Variants in ZNF207 observed in about 807,000 individuals in gnomAD.
The protein encoded by ZNF207 is zinc finger protein 207.
In ZNF207, 24 loss-of-function variants were observed where a neutral mutation model predicts 60.2. That is an observed-to-expected ratio of 0.40 (90% confidence interval 0.29 to 0.56). The LOEUF (loss-of-function observed/expected upper bound fraction) is 0.56, where lower values mean the gene tolerates loss of function less well. Among genes scored for constraint, ZNF207 ranks in the 20% least tolerant of loss-of-function variants. The pLI, the probability that ZNF207 is intolerant of heterozygous loss-of-function variation, is 0.49. For missense variants in ZNF207, 452 were observed against 636.6 expected, an observed-to-expected ratio of 0.71 and a Z score of 3.12; for synonymous variants, 236 against 194.7, an observed-to-expected ratio of 1.21 and a Z score of -1.77.
At position 32,371,432 on chromosome 17, in the gene ZNF207, G is replaced by A. The variant is rs1174441061; in HGVS notation, c.*1673G>A. ...CATACCTTTAAGCAAAACATTGCAA[G>A]TATTATAAAGCTGAATGCTATTTTA... is the stretch of plus-strand genomic sequence containing the variant. On this transcript the variant is annotated 3_prime_UTR_variant, in exon 12 of 12. Transcript: ENST00000394670. 2.0e-5 allele frequency: 3 copies of A among 152,106 alleles called. No homozygotes were observed. Among genetic ancestry groups the A allele is most frequent in the African/African-American group, 7.2e-5 (3 of 41,402 alleles). The allele number at this position is 152,106 out of a possible 1,614,324, so 9.4% of individuals were successfully genotyped here.
chr17:32,380,152 G>A lies in ZNF207; in HGVS notation c.*10393G>A, dbSNP rs1404919782. Reference sequence around the variant, plus strand: ...ATTTAAAGTGAAGTAAATTTCTAAGGAACTGTGTCCTTTCCTAGCAGGAAT... The same window carrying A: ...ATTTAAAGTGAAGTAAATTTCTAAGAAACTGTGTCCTTTCCTAGCAGGAAT... On this transcript the variant is annotated 3_prime_UTR_variant, in exon 12 of 12. Coordinates refer to ENST00000394670, the MANE Select transcript of ZNF207 (RefSeq NM_001098507.2). 3.3e-5 allele frequency: 5 copies of A among 152,582 alleles called. No homozygotes were observed. The highest frequency in any genetic ancestry group is 1.2e-4 in the African/African-American group (5 of 41,428). 9.5% of individuals were successfully genotyped at this position (152,582 alleles called of 1,614,324 possible).
At chr17:32,369,089 T>C in intron 10 of ZNF207, 1 of 516,322 alleles carries the variant, frequency 1.9e-6, no homozygotes, top group Non-Finnish European at 3.4e-6. Flanking sequence ...TTGTTAGCCA[T>C]GCTTCAAGTT....
intron 2 of ZNF207, among the ~76,000 whole-genome samples, chr17:32,354,338 T>C (rs933127896): frequency 6.6e-6 from 1 of 152,048 alleles, no homozygotes. Flanking sequence ...TCTGTCAGTT[T>C]TTTTTTTGTT....
rs1365061326 is a variant in ZNF207, at chr17:32,353,355, T to C, written c.168+1443T>C. 5.9e-5 allele frequency among the ~76,000 whole-genome samples: 9 copies of C among 152,108 alleles called. No individual in the cohort carries two copies. The South Asian group carries it at 1.9e-3, about 31-fold the overall frequency. On this transcript the variant is annotated intron_variant, in intron 2 of 11. Coordinates refer to ENST00000394670, the MANE Select transcript of ZNF207 (RefSeq NM_001098507.2). ...TGCTAAATTAGACCTTACAGAAATA[T>C]GAGATGAGCAAATACCAAATCATTG...
Position 32,372,331 on chromosome 17 carries a change from A to G in ZNF207, c.*2572A>G, listed in dbSNP as rs1010191901. 2 of 152,182 alleles carry G rather than the reference A, an allele frequency of 1.3e-5. No homozygotes were observed. The highest frequency in any genetic ancestry group is 1.5e-5 in the Non-Finnish European group (1 of 68,028). The allele number at this position is 152,182 out of a possible 1,614,324, so 9.4% of individuals were successfully genotyped here. On this transcript the variant is annotated 3_prime_UTR_variant, in exon 12 of 12. Transcript: ENST00000394670. The stretch of plus-strand genomic sequence containing the variant: ...AAAAAATGCTGTGATTAAATTTAGA[A>G]TAATTAAGTAAGGGGTGCTCTCCCA...
chr17:32,366,836 ATTTTTCC>A, intron 9 of ZNF207, 79 bp downstream of exon 9: 1 of 1,283,450 alleles, frequency 7.8e-7, no homozygotes, highest in African/African-American at 1.5e-5. Flanking sequence ...AAAAATGAAT[ATTTTTCC>A]AAAAATATAC....
intron 2 of ZNF207, among the ~76,000 whole-genome samples, chr17:32,358,160 A>C (rs929017490): frequency 6.6e-6 from 1 of 152,362 alleles, no homozygotes; most frequent in East Asian, 1.9e-4. Context: ...GGATAGGACT[A>C]CTAGTTACTG....
intron 7 of ZNF207, among the ~76,000 whole-genome samples, chr17:32,363,978 A>G (rs1299064513): frequency 1.3e-5 from 2 of 151,716 alleles, no homozygotes; most frequent in African/African-American, 2.4e-5. Context: ...TCATTTGGTT[A>G]TAAGACAGCT....
intron 5 of ZNF207, 77 bp downstream of exon 5, chr17:32,361,044 A>G (rs1904853695): frequency 2.7e-6 from 4 of 1,473,192 alleles, no homozygotes; most frequent in Non-Finnish European, 3.7e-6. Flanking sequence ...TATATGAATG[A>G]AATGTTACTT....
chr17:32,375,603 C>G lies in ZNF207; in HGVS notation c.*5844C>G, dbSNP rs1905649974. The stretch of plus-strand genomic sequence containing the variant: ...TGTAACATCCACTAGTAAAACTTGG[C>G]AAATGAAAGAAAATTGTGAAGTCAC... On this transcript the variant is annotated 3_prime_UTR_variant, in exon 12 of 12. Coordinates refer to ENST00000394670, the MANE Select transcript of ZNF207 (RefSeq NM_001098507.2). 1 of 151,814 alleles carries G rather than the reference C, an allele frequency of 6.6e-6. No homozygotes were observed. Among genetic ancestry groups the G allele is most frequent in the Admixed American group, 6.6e-5 (1 of 15,256 alleles). The allele number at this position is 151,814 out of a possible 1,614,324, so 9.4% of individuals were successfully genotyped here. A position where few individuals can be genotyped will look rare whatever the true frequency, so the allele number is the denominator to read the frequency against.
intron 8 of ZNF207, chr17:32,365,731 A>T (rs1055678420): frequency 2.7e-5 from 5 of 183,908 alleles, no homozygotes; most frequent in Non-Finnish European, 4.3e-5. Context: ...AACCCTATTT[A>T]TTCTTAGTTT....
intron 10 of ZNF207, chr17:32,368,226 C>A: frequency 1.6e-6 from 1 of 628,592 alleles, no homozygotes; most frequent in Non-Finnish European, 2.6e-6. Flanking sequence ...GTTTCTCTCC[C>A]CTTCCTCCAG....
rs2150806385 is a variant in ZNF207, at chr17:32,373,751, A to G, written c.*3992A>G. 4.1e-6 allele frequency: 1 copy of G among 244,624 alleles called. No individual in the cohort carries two copies. The highest frequency in any genetic ancestry group is 2.2e-5 in the African/African-American group (1 of 44,984). The allele number at this position is 244,624 out of a possible 1,614,324, so 15.2% of individuals were successfully genotyped here. Reference sequence around the variant, plus strand: ...CTTCAATAAATTGACAAAATTTGATATTTTTGATTGGAGGCAAGAAATGTT... The same window carrying G: ...CTTCAATAAATTGACAAAATTTGATGTTTTTGATTGGAGGCAAGAAATGTT... On this transcript the variant is annotated 3_prime_UTR_variant, in exon 12 of 12. Coordinates refer to ENST00000394670, the MANE Select transcript of ZNF207 (RefSeq NM_001098507.2).
chr17:32,374,209 ATTC>A lies in ZNF207; in HGVS notation c.*4453_*4455del, dbSNP rs1324574996. 9.4e-6 allele frequency: 1 copy of A among 106,912 alleles called. No homozygotes were observed. Among genetic ancestry groups the A allele is most frequent in the Non-Finnish European group, 1.9e-5 (1 of 52,096 alleles). 6.6% of individuals were successfully genotyped at this position (106,912 alleles called of 1,614,324 possible). On this transcript the variant is annotated 3_prime_UTR_variant, in exon 12 of 12. Transcript: ENST00000394670. ...GCCACCGCGCCTGGCCAAAATCTGC[ATTC>A]TTTTTTTTTTTTTTTTTTTTTTTTT...
intron 2 of ZNF207, among the ~76,000 whole-genome samples, chr17:32,352,390 C>G (rs781015305): frequency 2.6e-5 from 4 of 151,880 alleles, no homozygotes; most frequent in Non-Finnish European, 5.9e-5. Context: ...TGTTCGATAG[C>G]CATCAAGACA....
At chr17:32,361,837 A>G (rs1280042175) in intron 6 of ZNF207, among the ~76,000 whole-genome samples, 1 of 152,212 alleles carries the variant, frequency 6.6e-6, no homozygotes, top group Non-Finnish European at 1.5e-5. Context: ...TATAGGATGT[A>G]ATGGAATTTT....
rs1905829543 is a variant in ZNF207, at chr17:32,380,238, T to A, written c.*10479T>A. On this transcript the variant is annotated 3_prime_UTR_variant, in exon 12 of 12. Transcript: ENST00000394670. ...TGCATGTAATAGTGATGAGAGTAAG[T>A]AGCCAAATTTCCGTAATATAAGGTA... 1 of 152,652 alleles carries A rather than the reference T, an allele frequency of 6.6e-6. No individual in the cohort carries two copies. The highest frequency in any genetic ancestry group is 2.4e-5 in the African/African-American group (1 of 41,456). The allele number at this position is 152,652 out of a possible 1,614,324, so 9.5% of individuals were successfully genotyped here.
Position 32,366,672 on chromosome 17 carries a change from C to T in ZNF207, c.836C>T (p.Thr279Ile). The change falls in exon 9 of 12, where the codon ACA (threonine) becomes ATA (isoleucine). Residue 279 changes from threonine (T) to isoleucine (I), a missense_variant. Thr to Ile is a moderately conservative substitution (Grantham distance 89). Coordinates refer to ENST00000394670, the MANE Select transcript of ZNF207 (RefSeq NM_001098507.2). ...CTTTCTTTTATGCTACAGATGGGGACACCTGTCACAAGCTCAAGTACAGCT... is the reference window on the plus strand; with the variant it reads ...CTTTCTTTTATGCTACAGATGGGGATACCTGTCACAAGCTCAAGTACAGCT... ...PLFPSAGQMG[T>I]PVTSSSTASS... 1 of 1,605,958 alleles carries T rather than the reference C, an allele frequency of 6.2e-7. No homozygotes were observed. The highest frequency in any genetic ancestry group is 8.5e-7 in the Non-Finnish European group (1 of 1,177,500).
chr17:32,350,291 T>G lies in ZNF207; in HGVS notation c.6T>G (p.Gly2=). ...TTTGCCGGTAGAACACAGTTATGGGTCGCAAGAAGAAGAAGCAGCTGAAGC... is the reference window on the plus strand; with the variant it reads ...TTTGCCGGTAGAACACAGTTATGGGGCGCAAGAAGAAGAAGCAGCTGAAGC... M[G]RKKKKQLKPW... The change falls in exon 1 of 12, where the codon GGT becomes GGG. Residue 2 remains glycine, a synonymous_variant. Coordinates refer to ENST00000394670, the MANE Select transcript of ZNF207 (RefSeq NM_001098507.2). 1 of 1,614,100 alleles carries G rather than the reference T, an allele frequency of 6.2e-7. No individual in the cohort carries two copies. The highest frequency in any genetic ancestry group is 8.5e-7 in the Non-Finnish European group (1 of 1,180,028).
Sources: allele counts gnomAD v4.1 joint callset (sites outside exome capture counted in the v4.1 genomes callset), GRCh38; gene constraint gnomAD v4.1.1; transcripts MANE v1.5; gene names NCBI Gene and HGNC (gene_info 2026-07-23, HGNC 2026-07-21).